Variants in HRNR observed in about 807,000 individuals in gnomAD.
HRNR encodes the protein hornerin.
In HRNR, 7 loss-of-function variants were observed where a neutral mutation model predicts 4.8. The ratio of observed to expected loss-of-function variants is 1.47; its 90% CI spans 0.83 to 2.75. The LOEUF is 2.75. Ranked by LOEUF, HRNR falls within the 30% of genes most tolerant of loss-of-function variation. The probability of loss-of-function intolerance (pLI) is 0.00; values close to 1 mark genes in which losing one functional copy is unlikely to be tolerated. For synonymous variants in HRNR, 1,023 were observed against 1,242.7 expected, an observed-to-expected ratio of 0.82 and a Z score of 3.72; for missense variants, 2,879 against 3,010.4, an observed-to-expected ratio of 0.96 and a Z score of 1.02.
rs1648803935 is a variant in HRNR, at chr1:152,219,044, C to G, written c.2585G>C (p.Gly862Ala). 1.2e-6 allele frequency: 2 copies of G among 1,613,614 alleles called. No individual in the cohort carries two copies. Among genetic ancestry groups the G allele is most frequent in the Non-Finnish European group, 1.7e-6 (2 of 1,179,936 alleles). ...ATGCTGACCATAGCTGGAAGATTGA[C>G]CTGAGCTAGAGTCATGTTGGCCGGA... ...SSSGQHDSSS[G>A]QSSSYGQHES... is the part of the protein sequence containing the mutation. Residue 862 changes from glycine to alanine, a missense_variant, in exon 3 of 3, where the codon GGT becomes GCT. By Grantham distance (60) the Gly-to-Ala change is moderately conservative (BLOSUM62 0). Transcript: ENST00000368801.
Position 152,218,382 on chromosome 1 carries a change from A to G in HRNR, c.3247T>C (p.Ser1083Pro), listed in dbSNP as rs755142969. 5 of 1,612,226 alleles carry G rather than the reference A, an allele frequency of 3.1e-6. No homozygotes were observed. The highest frequency in any genetic ancestry group is 4.2e-6 in the Non-Finnish European group (5 of 1,179,918). The change falls in exon 3 of 3, where the codon TCA (serine) becomes CCA (proline). Residue 1083 changes from serine (S) to proline (P), a missense_variant. Physicochemically the swap from Ser to Pro is moderately conservative, Grantham distance 74. Coordinates refer to ENST00000368801, the MANE Select transcript of HRNR (RefSeq NM_001009931.3). The part of the protein sequence containing the change: ...SSTHGQHGST[S>P]GQSSSCGQHG... The stretch of plus-strand genomic sequence containing the variant: ...TGGCCACAGCTCGATGACTGTCCTG[A>G]TGTAGAACCGTGTTGCCCATGGGTA...
chr1:152,213,140 C>T lies in HRNR; in HGVS notation c.8489G>A (p.Ser2830Asn), dbSNP rs1286959206. The change falls in exon 3 of 3, where the codon AGT (serine) becomes AAT (asparagine). Residue 2830 changes from serine (S) to asparagine (N), a missense_variant. Ser to Asn is a conservative substitution (Grantham distance 46, BLOSUM62 1). Coordinates refer to ENST00000368801, the MANE Select transcript of HRNR (RefSeq NM_001009931.3). ...ATAGGGTGAAGTGCTACTAGGAAAA[C>T]TGAGAAAATATGAGCCAGAACTTCC... The part of the protein sequence containing the change: ...DGGSSGSYFL[S>N]FPSSTSPYEY... 1.2e-6 allele frequency: 2 copies of T among 1,613,880 alleles called. No homozygotes were observed. The highest frequency in any genetic ancestry group is 1.3e-5 in the African/African-American group (1 of 74,932).
Position 152,218,993 on chromosome 1 carries a change from C to T in HRNR, c.2636G>A (p.Gly879Asp), listed in dbSNP as rs150298716. ...AGATCCAGAGCCATGTCGGCCGCGG[C>T]CCGAAGCGTGATGGGAGGCAGACTC... ...QHESASHHAS[G>D]RGRHGSGSGQ... Residue 879 changes from glycine to aspartate, a missense_variant, in exon 3 of 3, where the codon GGC (glycine) becomes GAC (aspartate). By Grantham distance (94) the Gly-to-Asp change is moderately conservative (BLOSUM62 -1). Coordinates refer to ENST00000368801, the MANE Select transcript of HRNR (RefSeq NM_001009931.3). 34,227 of 1,614,062 alleles carry T rather than the reference C, an allele frequency of 0.021. 498 individuals are homozygous for T. Among genetic ancestry groups the T allele is most frequent in the Admixed American group, 0.042 (2,518 of 60,028 alleles).
chr1:152,220,716 GGC>G lies in HRNR; in HGVS notation c.911_912del (p.Arg304ProfsTer4). 1 of 1,613,184 alleles carries G rather than the reference GGC, an allele frequency of 6.2e-7. No homozygotes were observed. Among genetic ancestry groups the G allele is most frequent in the Non-Finnish European group, 8.5e-7 (1 of 1,179,478 alleles). On this transcript the variant is annotated frameshift_variant, in exon 3 of 3. Transcript: ENST00000368801. LOFTEE classifies it low-confidence loss of function (END_TRUNC). ...CCATGTCGGACGTGGCTAGGAGACT[GGC>G]GAGATCCAGACCCTTGTCGGCCGTG... ...LGHGRQGSGS[R>X]QSPSHVRHGS...
rs1229431748 is a variant in HRNR, at chr1:152,212,690, A to T, written c.*386T>A. The T allele has an allele frequency of 4.1e-6, 1 of 245,582 alleles. No individual in the cohort carries two copies. Among genetic ancestry groups the T allele is most frequent in the Non-Finnish European group, 7.8e-6 (1 of 128,980 alleles). 15.2% of individuals were successfully genotyped at this position (245,582 alleles called of 1,614,324 possible). Reference sequence around the variant, plus strand: ...GCTTTGTATCTAGGACTGGTAATGCATTTGTAATATTTTGCTTCTAAGAAA... The same window carrying T: ...GCTTTGTATCTAGGACTGGTAATGCTTTTGTAATATTTTGCTTCTAAGAAA... On this transcript the variant is annotated 3_prime_UTR_variant, in exon 3 of 3. Transcript: ENST00000368801.
In HRNR at chr1:152,218,847, G is replaced by A. The variant is rs758028764; in HGVS notation, c.2782C>T (p.Gln928Ter). The A allele has an allele frequency of 6.2e-7, 1 of 1,613,360 alleles. No individual in the cohort carries two copies. The highest frequency in any genetic ancestry group is 8.5e-7 in the Non-Finnish European group (1 of 1,179,852). The change falls in exon 3 of 3, where the codon CAG becomes TAG. Residue 928 changes from glutamine to a stop codon, truncating the protein, a stop_gained. Transcript: ENST00000368801. LOFTEE classifies it low-confidence loss of function (END_TRUNC). The part of the protein sequence containing the change: ...SSGRHGSGSG[Q>*]SSGFGHKSSS... ...GACTTGTGACCAAAGCCAGAAGACT[G>A]GCCTGAGCCAGACCCATGTCGGCCA...
At position 152,213,285 on chromosome 1, in the gene HRNR, A is replaced by G; in HGVS notation, c.8344T>C (p.Ser2782Pro). 7.0e-7 allele frequency: 1 copy of G among 1,423,936 alleles called. No homozygotes were observed. The highest frequency in any genetic ancestry group is 9.7e-7 in the Non-Finnish European group (1 of 1,028,740). The allele number at this position is 1,423,936 out of a possible 1,614,324, so 88.2% of individuals were successfully genotyped here. A position where few individuals can be genotyped will look rare whatever the true frequency, so the allele number is the denominator to read the frequency against. ...HGRHGSGSGQ[S>P]SSYGQHGSGS... ...GACCCATGTTGGCCGTAGCTGGAAGACTGCCCTGAACCAGACCCGTGTCGG... is the reference window on the plus strand; with the variant it reads ...GACCCATGTTGGCCGTAGCTGGAAGGCTGCCCTGAACCAGACCCGTGTCGG... The change falls in exon 3 of 3, where the codon TCT becomes CCT. Residue 2782 changes from serine (S) to proline (P), a missense_variant. By Grantham distance (74) the Ser-to-Pro change is moderately conservative. Coordinates refer to ENST00000368801, the MANE Select transcript of HRNR (RefSeq NM_001009931.3).
chr1:152,223,840 CA>C (rs781250777), intron 1 of HRNR, among the ~76,000 whole-genome samples: 71 of 152,318 alleles, frequency 4.7e-4, no homozygotes, highest in African/African-American at 1.6e-3. Flanking sequence ...AAGTGACCCT[CA>C]GACCTTATTA....
chr1:152,219,521 T>C lies in HRNR; in HGVS notation c.2108A>G (p.His703Arg). ...AGAGGACTGCCCTGAGCCAGACTTG[T>C]GACCAAAGCCGGAAGACTGGCCTGA... ...SVSGQSSGFG[H>R]KSGSGQSSGY... The change falls in exon 3 of 3, where the codon CAC becomes CGC. Residue 703 changes from histidine to arginine, a missense_variant. By Grantham distance (29) the His-to-Arg change is conservative. This residue lies in a region of HRNR where 2,646 missense variants were observed against 1,377.7 expected (regional missense o/e 1.92). Transcript: ENST00000368801. 6.2e-7 allele frequency: 1 copy of C among 1,613,800 alleles called. No individual in the cohort carries two copies. The highest frequency in any genetic ancestry group is 8.5e-7 in the Non-Finnish European group (1 of 1,179,990).
Position 152,219,479 on chromosome 1 carries a change from C to T in HRNR, c.2150G>A (p.Gly717Glu), listed in dbSNP as rs764685508. The T allele has an allele frequency of 5.0e-6, 8 of 1,613,788 alleles. No individual in the cohort carries two copies. Among genetic ancestry groups the T allele is most frequent in the Non-Finnish European group, 5.9e-6 (7 of 1,179,946 alleles). Reference protein sequence around the residue: ...SGQSSGYSQHGSGSSHSSGYR... With the variant: ...SGQSSGYSQHESGSSHSSGYR... ...GCCGGAGGAGTGACTTGAGCCAGATCCATGCTGACTGTAACCAGAGGACTG... is the reference window on the plus strand; with the variant it reads ...GCCGGAGGAGTGACTTGAGCCAGATTCATGCTGACTGTAACCAGAGGACTG... Residue 717 changes from glycine (G) to glutamate (E), a missense_variant, in exon 3 of 3, where the codon GGA (glycine) becomes GAA (glutamate). Gly to Glu is a moderately conservative substitution (Grantham distance 98, BLOSUM62 -2). This residue lies in a region of HRNR where 2,646 missense variants were observed against 1,377.7 expected (regional missense o/e 1.92). Coordinates refer to ENST00000368801, the MANE Select transcript of HRNR (RefSeq NM_001009931.3).
rs943062379 is a variant in HRNR, at chr1:152,212,742, T to C, written c.*334A>G. The C allele has an allele frequency of 1.4e-5, 5 of 352,208 alleles. No individual in the cohort carries two copies. Among genetic ancestry groups the C allele is most frequent in the African/African-American group, 8.5e-5 (4 of 47,040 alleles). The allele number at this position is 352,208 out of a possible 1,614,324, so 21.8% of individuals were successfully genotyped here. On this transcript the variant is annotated 3_prime_UTR_variant, in exon 3 of 3. Transcript: ENST00000368801. ...GTAAGGTTAGCTTTGGCACCATCTATAAATGAATGATGAGCTCTCAAAAAG... is the reference window on the plus strand; with the variant it reads ...GTAAGGTTAGCTTTGGCACCATCTACAAATGAATGATGAGCTCTCAAAAAG...
Position 152,220,411 on chromosome 1 carries a change from G to A in HRNR, c.1218C>T (p.Ala406=), listed in dbSNP as rs768820469. ...QSSSYGQHES[A]SRHSSGRGQH... is the part of the protein sequence containing the mutation. ...GGCCGCGGCCTGAAGAGTGACGGGA[G>A]GCAGACTCATGCTGACCATAGCTGG... Residue 406 remains alanine, a synonymous_variant, in exon 3 of 3, where the codon GCC becomes GCT. Transcript: ENST00000368801. 1.9e-6 allele frequency: 3 copies of A among 1,613,978 alleles called. No individual in the cohort carries two copies. Among genetic ancestry groups the A allele is most frequent in the Non-Finnish European group, 2.5e-6 (3 of 1,179,978 alleles).
intron 1 of HRNR, 27 bp downstream of exon 1, chr1:152,224,116 T>C (rs553310705): frequency 1.7e-4 from 26 of 152,168 alleles, no homozygotes; most frequent in South Asian, 6.2e-4. Flanking sequence ...CTAAGTACCC[T>C]TGAGCGGAGT....
In HRNR at chr1:152,219,925, A is replaced by G; in HGVS notation, c.1704T>C (p.Ser568=). The part of the protein sequence containing the change: ...YGPHGYGSGR[S]SSRGPYESGS... ...CAGACTCATATGGGCCACGGCTTGA[A>G]GACCTCCCTGAGCCATACCCATGTG... The change falls in exon 3 of 3, where the codon TCT becomes TCC. Residue 568 remains serine, a synonymous_variant. Coordinates refer to ENST00000368801, the MANE Select transcript of HRNR (RefSeq NM_001009931.3). 1.2e-6 allele frequency: 2 copies of G among 1,613,234 alleles called. No individual in the cohort carries two copies. The highest frequency in any genetic ancestry group is 2.2e-5 in the South Asian group (2 of 91,022).
intron 2 of HRNR, among the ~76,000 whole-genome samples, chr1:152,222,629 C>G (rs1649036690): frequency 6.6e-6 from 1 of 152,142 alleles, no homozygotes; most frequent in African/African-American, 2.4e-5. Flanking sequence ...AGCTGACACA[C>G]TGAATATCTG....
Position 152,218,580 on chromosome 1 carries a change from C to A in HRNR, c.3049G>T (p.Gly1017Cys). 3.7e-6 allele frequency: 6 copies of A among 1,613,792 alleles called. No homozygotes were observed. In the South Asian group the frequency reaches 6.6e-5, roughly 18 times the overall value. The change falls in exon 3 of 3, where the codon GGT (glycine) becomes TGT (cysteine). Residue 1017 changes from glycine (G) to cysteine (C), a missense_variant. By Grantham distance (159) the Gly-to-Cys change is radical (BLOSUM62 -3). This residue lies in a region of HRNR where 2,646 missense variants were observed against 1,377.7 expected (regional missense o/e 1.92). Coordinates refer to ENST00000368801, the MANE Select transcript of HRNR (RefSeq NM_001009931.3). The part of the protein sequence containing the change: ...PSPSRGRHGS[G>C]SGQSSSYGPY... ...CCATAGCTGGAAGACTGCCCGGAAC[C>A]AGACCCATGTCGGCCACGGCTAGGG...
In HRNR at chr1:152,219,143, C is replaced by A; in HGVS notation, c.2486G>T (p.Ser829Ile). Reference protein sequence around the residue: ...QHESGSGQGYSQHGSASGHFS... With the variant: ...QHESGSGQGYIQHGSASGHFS... ...GTGACCTGAGGCAGAACCATGCTGA[C>A]TATAGCCCTGTCCTGAGCCAGACTC... Residue 829 changes from serine to isoleucine, a missense_variant, in exon 3 of 3, where the codon AGT (serine) becomes ATT (isoleucine). By Grantham distance (142) the Ser-to-Ile change is moderately radical. Around this residue, in one of 8 missense-constraint regions of HRNR, gnomAD observed 2,646 missense variants for 1,377.7 expected, o/e 1.92. Transcript: ENST00000368801. 3.1e-6 allele frequency: 5 copies of A among 1,613,920 alleles called. No individual in the cohort carries two copies. Among genetic ancestry groups the A allele is most frequent in the Non-Finnish European group, 4.2e-6 (5 of 1,179,998 alleles).
In HRNR at chr1:152,220,408, G is replaced by A. The variant is rs1648927390; in HGVS notation, c.1221C>T (p.Ser407=). The A allele has an allele frequency of 1.2e-6, 2 of 1,613,786 alleles. No homozygotes were observed. Among genetic ancestry groups the A allele is most frequent in the African/African-American group, 2.7e-5 (2 of 74,858 alleles). ...GTTGGCCGCGGCCTGAAGAGTGACG[G>A]GAGGCAGACTCATGCTGACCATAGC... ...SSSYGQHESA[S]RHSSGRGQHS... is the part of the protein sequence containing the mutation. The change falls in exon 3 of 3, where the codon TCC becomes TCT. Residue 407 remains serine (S), a synonymous_variant. Transcript: ENST00000368801.
intron 2 of HRNR, among the ~76,000 whole-genome samples, chr1:152,221,746 G>A (rs1416176583): frequency 6.6e-6 from 1 of 152,080 alleles, no homozygotes; most frequent in Non-Finnish European, 1.5e-5. Flanking sequence ...ATTATTTTTG[G>A]TAAAGAATGG....
Sources: gnomAD v4.1 joint callset for allele counts (sites outside exome capture counted in the v4.1 genomes callset) on GRCh38, gnomAD v4.1.1 for gene constraint, gnomAD v4.1.1 regional missense constraint, MANE v1.5 for transcripts, NCBI Gene and HGNC (gene_info 2026-07-23, HGNC 2026-07-21) for gene names.